AATF: variants seen among roughly 807,000 people sequenced by gnomAD.
AATF encodes protein AATF.
In AATF, 48 loss-of-function variants were observed where a neutral mutation model predicts 63.7. The ratio of observed to expected loss-of-function variants is 0.75; its 90% CI spans 0.60 to 0.96. AATF has a LOEUF of 0.96. AATF is among the 40% of genes least tolerant of loss of function. AATF has a pLI of 0.00. For missense variants in AATF, 639 were observed against 685.7 expected (o/e 0.93, Z 0.76); for synonymous variants, 258 against 247.7 (o/e 1.04, Z -0.39).
At chr17:37,010,237 G>A (rs1007796683) in intron 8 of AATF, among the ~76,000 whole-genome samples, 15 of 152,098 alleles carry the variant, frequency 9.9e-5, no homozygotes, top group African/African-American at 3.1e-4. Flanking sequence ...GGCGGATCAC[G>A]AGGTCAGGAG....
At chr17:37,043,004 G>A (rs1056190079) in intron 11 of AATF, 1 of 151,188 alleles carries the variant, frequency 6.6e-6, no homozygotes, top group Non-Finnish European at 1.5e-5. Flanking sequence ...GCCTCCCAAA[G>A]TGCTGGGATT....
At chr17:36,988,835 ATCAT>A (rs2071190570) in intron 6 of AATF, 115 bp downstream of exon 6, 2 of 1,033,300 alleles carry the variant, frequency 1.9e-6, no homozygotes, top group Non-Finnish European at 1.4e-6. Context: ...TGTAATGGTA[ATCAT>A]TCATTTCTAT....
chr17:37,028,146 T>C (rs2071524167), intron 10 of AATF, among the ~76,000 whole-genome samples: 1 of 152,196 alleles, frequency 6.6e-6, no homozygotes, highest in Non-Finnish European at 1.5e-5. Context: ...GCTCAGTGGC[T>C]TATGCTTGTA....
intron 4 of AATF, among the ~76,000 whole-genome samples, chr17:36,979,113 G>C (rs1345340207): frequency 6.6e-6 from 1 of 152,024 alleles, no homozygotes; most frequent in Non-Finnish European, 1.5e-5. Context: ...AGTCGGGCCT[G>C]AAATACGACT....
chr17:37,045,322 A>G (rs1385112059), intron 11 of AATF: 2 of 152,312 alleles, frequency 1.3e-5, no homozygotes, highest in African/African-American at 2.4e-5. Flanking sequence ...TTCTTCTACA[A>G]TATAGATGAG....
At chr17:36,998,152 A>G (rs2071268447) in intron 8 of AATF, among the ~76,000 whole-genome samples, 1 of 152,218 alleles carries the variant, frequency 6.6e-6, no homozygotes, top group Admixed American at 6.5e-5. Flanking sequence ...GGGTGCACCA[A>G]AATCTCACAA....
At chr17:36,979,770 T>G (rs2071106890) in intron 4 of AATF, among the ~76,000 whole-genome samples, 1 of 152,214 alleles carries the variant, frequency 6.6e-6, no homozygotes, top group Non-Finnish European at 1.5e-5. Context: ...TATAATCTAA[T>G]TAATGAACTG....
intron 4 of AATF, among the ~76,000 whole-genome samples, chr17:36,959,186 G>A (rs2070926494): frequency 6.6e-6 from 1 of 152,012 alleles, no homozygotes; most frequent in Non-Finnish European, 1.5e-5. Context: ...GCTCATGCCT[G>A]TAATCCCAGC....
intron 11 of AATF, among the ~76,000 whole-genome samples, chr17:37,043,685 C>T (rs1456786503): frequency 1.3e-5 from 2 of 152,140 alleles, no homozygotes; most frequent in Admixed American, 6.5e-5. Context: ...AAACACTTCA[C>T]TTAAGGTCTT....
chr17:36,963,804 G>A (rs949399804), intron 4 of AATF, among the ~76,000 whole-genome samples: 1 of 152,220 alleles, frequency 6.6e-6, no homozygotes, highest in Non-Finnish European at 1.5e-5. Flanking sequence ...GACTTATCTA[G>A]CAACATGGTG....
At chr17:37,045,118 T>TG (rs1199185534) in intron 11 of AATF, among the ~76,000 whole-genome samples, 37 of 152,330 alleles carry the variant, frequency 2.4e-4, no homozygotes, top group African/African-American at 8.4e-4. Context: ...TCGTTAGACT[T>TG]GGAGTTCAAG....
At position 37,056,779 on chromosome 17, in the gene AATF, C is replaced by A; in HGVS notation, c.*115C>A. The A allele has an allele frequency of 8.5e-7, 1 of 1,174,766 alleles. No individual in the cohort carries two copies. The highest frequency in any genetic ancestry group is 1.2e-6 in the Non-Finnish European group (1 of 818,610). 72.8% of individuals were successfully genotyped at this position (1,174,766 alleles called of 1,614,324 possible). ...TAGTAGGGAAGCCCCTGGAAAGATG[C>A]TGCGTTCCGAACCTGTGCCTAATAC... On this transcript the variant is annotated 3_prime_UTR_variant, in exon 12 of 12. Coordinates refer to ENST00000619387, the MANE Select transcript of AATF (RefSeq NM_012138.4).
rs778476201 is a variant in AATF, at chr17:36,990,993, T to C, written c.1398+136T>C. ...TGAGTTAGAACTCCCGCGTTCAAAATTGACTTACAGTGTCATTGTGGATTT... is the reference window on the plus strand; with the variant it reads ...TGAGTTAGAACTCCCGCGTTCAAAACTGACTTACAGTGTCATTGTGGATTT... On this transcript the variant is annotated intron_variant, in intron 8 of 11. Coordinates refer to ENST00000619387, the MANE Select transcript of AATF (RefSeq NM_012138.4). The C allele has an allele frequency of 7.7e-4, 418 of 543,600 alleles. 1 individual carries two copies. The highest frequency in any genetic ancestry group is 1.2e-3 in the Non-Finnish European group (385 of 317,178). 33.7% of individuals were successfully genotyped at this position (543,600 alleles called of 1,614,324 possible).
chr17:36,976,580 G>T (rs547419996), intron 4 of AATF, among the ~76,000 whole-genome samples: 1 of 152,114 alleles, frequency 6.6e-6, no homozygotes, highest in African/African-American at 2.4e-5. Flanking sequence ...GAAGATATTA[G>T]GATGTTATTA....
intron 11 of AATF, among the ~76,000 whole-genome samples, chr17:37,048,886 G>T (rs978731029): frequency 6.6e-6 from 1 of 152,332 alleles, no homozygotes; most frequent in East Asian, 1.9e-4. Flanking sequence ...TTGGGTCGGG[G>T]AAAGCAAAGG....
At chr17:37,020,556 TCAAAC>T (rs1477031361) in intron 9 of AATF, among the ~76,000 whole-genome samples, 1 of 152,284 alleles carries the variant, frequency 6.6e-6, no homozygotes, top group African/African-American at 2.4e-5. Flanking sequence ...ATTCATGCAT[TCAAAC>T]CAACCAGCAG....
intron 8 of AATF, among the ~76,000 whole-genome samples, chr17:37,015,333 A>G (rs944627332): frequency 1.3e-5 from 2 of 152,204 alleles, no homozygotes; most frequent in South Asian, 4.1e-4. Flanking sequence ...AGACTAGGTA[A>G]TCTTAAAAGA....
intron 7 of AATF, 119 bp from the exon 8 acceptor site, chr17:36,990,655 G>A (rs937145341): frequency 1.5e-6 from 1 of 664,384 alleles, no homozygotes; most frequent in Non-Finnish European, 2.5e-6. Context: ...TTAATTTTAA[G>A]AACTTTTTAT....
chr17:37,056,539 T>G (rs2094520156), intron 11 of AATF, 62 bp from the exon 12 acceptor site: 1 of 1,559,806 alleles, frequency 6.4e-7, no homozygotes, highest in Non-Finnish European at 8.8e-7. Context: ...AGCTTCTGCG[T>G]TCCTTTTTAA....
Sources: gnomAD v4.1 joint callset for allele counts (sites outside exome capture counted in the v4.1 genomes callset) on GRCh38, gnomAD v4.1.1 for gene constraint, MANE v1.5 for transcripts, NCBI Gene and HGNC (gene_info 2026-07-23, HGNC 2026-07-21) for gene names.